The following EXT1 variants were observed in gnomAD, a reference collection of about 807,000 sequenced individuals.
EXT1 encodes the protein exostosin glycosyltransferase 1.
A neutral mutation model predicts 82.5 loss-of-function variants in EXT1; 20 were observed. That is an observed-to-expected ratio of 0.24 (90% confidence interval 0.17 to 0.35). The LOEUF (loss-of-function observed/expected upper bound fraction) is 0.35. Among genes scored for constraint, EXT1 ranks in the 10% least tolerant of loss-of-function variants. The pLI is 1.00. For missense variants in EXT1, 757 were observed against 936.5 expected, an observed-to-expected ratio of 0.81 and a Z score of 2.50; for synonymous variants, 348 against 350.8, an observed-to-expected ratio of 0.99 and a Z score of 0.09.
At chr8:117,822,190 G>A (rs1675747206) in intron 5 of EXT1, among the ~76,000 whole-genome samples, 1 of 152,096 alleles carries the variant, frequency 6.6e-6, no homozygotes, top group South Asian at 2.1e-4. Flanking sequence ...TGTTCAAAAT[G>A]ATCCATAATT....
In EXT1 at chr8:118,011,799, CAG is replaced by C. The variant is rs1300565260; in HGVS notation, c.962+98284_962+98285del. 2.6e-5 allele frequency among the ~76,000 whole-genome samples: 4 copies of C among 152,220 alleles called. No homozygotes were observed. The East Asian group carries it at 7.7e-4, about 29-fold the overall frequency. ...CCATGACAAGCCGTTAGTATTCACTCAGAGACAAATTCCAAACGCATCTTTGA... is the reference window on the plus strand; with the variant it reads ...CCATGACAAGCCGTTAGTATTCACTCAGACAAATTCCAAACGCATCTTTGA... On this transcript the variant is annotated intron_variant, in intron 1 of 10. Transcript: ENST00000378204.
intron 3 of EXT1, among the ~76,000 whole-genome samples, chr8:117,830,985 G>A: frequency 6.6e-6 from 1 of 152,104 alleles, no homozygotes. Context: ...CTCTTCCAGG[G>A]TATACAATTT....
intron 1 of EXT1, among the ~76,000 whole-genome samples, chr8:118,072,357 T>A (rs1385330401): frequency 6.6e-6 from 1 of 152,226 alleles, no homozygotes; most frequent in Admixed American, 6.5e-5. Flanking sequence ...TTTAGGACAT[T>A]AGAAATGTTG....
At chr8:117,830,568 T>A (rs1026845247) in intron 3 of EXT1, among the ~76,000 whole-genome samples, 1 of 152,238 alleles carries the variant, frequency 6.6e-6, no homozygotes, top group Non-Finnish European at 1.5e-5. Flanking sequence ...CTTTGATGTA[T>A]GAAAGTTACA....
rs1392427653 is a variant in EXT1, at chr8:117,809,210, T to TATAA, written c.1723-1834_1723-1833insTTAT. ...GTGTGTAGGTATATATATGTGTGTG[T>TATAA]GTGTATAAATATATATATATATATA... is the stretch of plus-strand genomic sequence containing the variant. On this transcript the variant is annotated intron_variant, in intron 8 of 10. Coordinates refer to ENST00000378204, the MANE Select transcript of EXT1 (RefSeq NM_000127.3). Among the ~76,000 whole-genome samples the TATAA allele has an allele frequency of 7.1e-4, 63 of 88,716 alleles. 1 individual carries two copies. The highest frequency in any genetic ancestry group is 1.3e-3 in the African/African-American group (32 of 25,486). 58.2% of individuals were successfully genotyped at this position (88,716 alleles called of 152,430 possible).
chr8:117,885,388 A>G (rs1282321110), intron 1 of EXT1, among the ~76,000 whole-genome samples: 2 of 152,038 alleles, frequency 1.3e-5, no homozygotes, highest in Admixed American at 6.6e-5. Flanking sequence ...ATGTTTCTTA[A>G]TATCTAAAGT....
intron 1 of EXT1, among the ~76,000 whole-genome samples, chr8:117,978,492 C>T (rs1815114697): frequency 6.6e-6 from 1 of 151,852 alleles, no homozygotes; most frequent in African/African-American, 2.4e-5. Context: ...ACTTTTCTCC[C>T]TAAAATTCAT....
intron 1 of EXT1, among the ~76,000 whole-genome samples, chr8:118,030,817 T>C (rs568329230): frequency 4.6e-5 from 7 of 152,306 alleles, no homozygotes; most frequent in Non-Finnish European, 5.9e-5. Context: ...CTTCTGTTTC[T>C]AGAAAATGTA....
At chr8:117,804,974 C>G (rs926146330) in intron 9 of EXT1, 81 bp from the exon 10 acceptor site, 127 of 1,321,162 alleles carry the variant, frequency 9.6e-5, no homozygotes, top group Non-Finnish European at 8.8e-5. Context: ...AAACACATAC[C>G]CATTCTTTGA....
chr8:118,006,509 C>T (rs1175076146), intron 1 of EXT1, among the ~76,000 whole-genome samples: 1 of 152,094 alleles, frequency 6.6e-6, no homozygotes, highest in Non-Finnish European at 1.5e-5. Flanking sequence ...GCCTATAATA[C>T]TCTACCTATC....
chr8:117,953,359 G>A (rs1217828837), intron 1 of EXT1, among the ~76,000 whole-genome samples: 1 of 152,054 alleles, frequency 6.6e-6, no homozygotes, highest in African/African-American at 2.4e-5. Context: ...TAAAGGCTGG[G>A]ACCCCAGATT....
At chr8:117,867,347 G>C (rs1812792601) in intron 1 of EXT1, among the ~76,000 whole-genome samples, 1 of 151,508 alleles carries the variant, frequency 6.6e-6, no homozygotes, top group Non-Finnish European at 1.5e-5. Flanking sequence ...ACTCCTGCTA[G>C]AGGTAGTGGT....
intron 1 of EXT1, among the ~76,000 whole-genome samples, chr8:117,920,477 C>T (rs910466962): frequency 4.6e-5 from 7 of 152,106 alleles, no homozygotes; most frequent in African/African-American, 1.7e-4. Context: ...TAAAACATTC[C>T]TAAATCCCTC....
intron 1 of EXT1, among the ~76,000 whole-genome samples, chr8:118,011,095 T>G (rs561173480): frequency 8.5e-5 from 13 of 152,324 alleles, no homozygotes; most frequent in African/African-American, 2.9e-4. Context: ...TTTGTCAGCA[T>G]AGCATAGCAG....
Position 117,797,376 on chromosome 8 carries a change from C to T in EXT1, c.*2336G>A, listed in dbSNP as rs569391049. ...TATTTATAATTACCATTTTTCTTCA[C>T]ATAACACATGTTGTTTGTGGAGGAT... On this transcript the variant is annotated 3_prime_UTR_variant, in exon 11 of 11. Coordinates refer to ENST00000378204, the MANE Select transcript of EXT1 (RefSeq NM_000127.3). The T allele has an allele frequency of 1.3e-5, 2 of 152,312 alleles. No homozygotes were observed. The highest frequency in any genetic ancestry group is 4.1e-4 in the South Asian group (2 of 4,826). The allele number at this position is 152,312 out of a possible 1,614,324, so 9.4% of individuals were successfully genotyped here.
chr8:118,069,374 G>C (rs940072825), intron 1 of EXT1, among the ~76,000 whole-genome samples: 5 of 152,164 alleles, frequency 3.3e-5, no homozygotes, highest in African/African-American at 4.8e-5. Flanking sequence ...CTTCAGCCCA[G>C]TACCCCGTCT....
chr8:117,956,578 G>A (rs1217346589), intron 1 of EXT1, among the ~76,000 whole-genome samples: 1 of 152,082 alleles, frequency 6.6e-6, no homozygotes, highest in African/African-American at 2.4e-5. Context: ...AAATAGCTGG[G>A]ACTACAGGCA....
chr8:117,933,260 T>C (rs1390854777), intron 1 of EXT1, among the ~76,000 whole-genome samples: 1 of 151,470 alleles, frequency 6.6e-6, no homozygotes, highest in Non-Finnish European at 1.5e-5. Context: ...TTTTTTGGTT[T>C]ATTTGAGATG....
In EXT1 at chr8:118,111,379, A is replaced by G; in HGVS notation, c.-333T>C. The stretch of plus-strand genomic sequence containing the variant: ...GAGGAAAAGAAAGAGAGAGGGGAGA[A>G]AAAAAAAGCTCCCGATACCCAATCA... On this transcript the variant is annotated 5_prime_UTR_variant, in exon 1 of 11. Transcript: ENST00000378204. The G allele has an allele frequency of 1.8e-6, 1 of 566,492 alleles. No homozygotes were observed. 35.1% of individuals were successfully genotyped at this position (566,492 alleles called of 1,614,324 possible).
Sources: allele counts gnomAD v4.1 joint callset (sites outside exome capture counted in the v4.1 genomes callset), GRCh38; gene constraint gnomAD v4.1.1; transcripts MANE v1.5; gene names NCBI Gene and HGNC (gene_info 2026-07-23, HGNC 2026-07-21).